NKAIN3: variants seen among roughly 807,000 people sequenced by gnomAD.
NKAIN3 encodes sodium/potassium-transporting ATPase subunit beta-1-interacting protein 3.
NKAIN3 carries 25 observed loss-of-function variants against 30.2 expected under a neutral mutation model. That is an observed-to-expected ratio of 0.83 (90% CI 0.60 to 1.16). The LOEUF (loss-of-function observed/expected upper bound fraction) is 1.16. Among genes scored for constraint, NKAIN3 ranks in the 50% most tolerant of loss-of-function variants. The probability of loss-of-function intolerance (pLI) is 0.00; values close to 1 mark genes in which losing one functional copy is unlikely to be tolerated. For missense variants in NKAIN3, 225 were observed against 254.1 expected (o/e 0.89, Z 0.78); for synonymous variants, 91 against 89.6 (o/e 1.02, Z -0.09).
intron 1 of NKAIN3, among the ~76,000 whole-genome samples, chr8:62,576,771 C>T (rs957784171): frequency 7.9e-5 from 12 of 152,074 alleles, no homozygotes; most frequent in African/African-American, 2.9e-4. Flanking sequence ...GCTAGCATCT[C>T]CCCAACACCA....
intron 4 of NKAIN3, among the ~76,000 whole-genome samples, chr8:62,897,672 T>A (rs559018746): frequency 6.6e-6 from 1 of 152,278 alleles, no homozygotes; most frequent in Non-Finnish European, 1.5e-5. Context: ...GGGAGGTGAC[T>A]CCCAGTGGAA....
chr8:62,986,434 A>G (rs1824200417), downstream of NKAIN3, among the ~76,000 whole-genome samples: 1 of 152,118 alleles, frequency 6.6e-6, no homozygotes, highest in South Asian at 2.1e-4. Flanking sequence ...ACTGCCCCAT[A>G]TGTAAGTTCC....
intron 1 of NKAIN3, among the ~76,000 whole-genome samples, chr8:62,294,559 A>AT (rs1813766150): frequency 6.6e-6 from 1 of 152,020 alleles, no homozygotes; most frequent in South Asian, 2.1e-4. Context: ...AAATACTCCT[A>AT]TTTTTTGAGA....
chr8:62,952,561 G>A (rs1236255292), intron 5 of NKAIN3, among the ~76,000 whole-genome samples: 1 of 152,092 alleles, frequency 6.6e-6, no homozygotes, highest in African/African-American at 2.4e-5. Flanking sequence ...GAACTGCTTT[G>A]TAAATCAACC....
intron 3 of NKAIN3, among the ~76,000 whole-genome samples, chr8:62,610,252 G>A (rs1257033923): frequency 6.6e-6 from 1 of 151,852 alleles, no homozygotes; most frequent in Non-Finnish European, 1.5e-5. Flanking sequence ...GGCTGAGGCA[G>A]GAGAATCATT....
rs1301171740 is a variant in NKAIN3 at position 62,870,873 on chromosome 8, A to G, written c.472-47580A>G. Among the ~76,000 whole-genome samples, 12 of 85,278 alleles carry G rather than the reference A, an allele frequency of 1.4e-4. 1 individual carries two copies. The highest frequency in any genetic ancestry group is 6.8e-4 in the African/African-American group (12 of 17,670). 55.9% of individuals were successfully genotyped at this position (85,278 alleles called of 152,430 possible). On this transcript the variant is annotated intron_variant, in intron 4 of 6. Coordinates refer to ENST00000623646, the MANE Select transcript of NKAIN3 (RefSeq NM_001304533.3). ...GCATTAGAGATGAGAAAGAATGGAA[A>G]TCACTAAATGAAGCCGTCTTACTGT...
intron 4 of NKAIN3, among the ~76,000 whole-genome samples, chr8:62,783,972 T>C (rs1817438498): frequency 6.6e-6 from 1 of 151,940 alleles, no homozygotes; most frequent in Non-Finnish European, 1.5e-5. Flanking sequence ...AAAGAGCACA[T>C]GCAGCATTTT....
chr8:62,494,537 T>A (rs1487888302), intron 1 of NKAIN3, among the ~76,000 whole-genome samples: 4 of 152,160 alleles, frequency 2.6e-5, no homozygotes, highest in Non-Finnish European at 5.9e-5. Flanking sequence ...CCTCACAGAA[T>A]GAGTTGAGGA....
At chr8:62,593,980 A>G (rs1174393015) in intron 3 of NKAIN3, among the ~76,000 whole-genome samples, 7 of 151,918 alleles carry the variant, frequency 4.6e-5, no homozygotes, top group African/African-American at 1.7e-4. Flanking sequence ...ACATCCCTGG[A>G]GCTTTAACTC....
intron 1 of NKAIN3, among the ~76,000 whole-genome samples, chr8:62,353,347 G>A (rs986808422): frequency 1.1e-4 from 16 of 152,314 alleles, no homozygotes; most frequent in African/African-American, 3.8e-4. Flanking sequence ...TTTCTGCAAA[G>A]AAATGAGTTT....
rs764382506 is a variant in NKAIN3, at chr8:62,967,396, C to T, written c.*1989C>T. Among the ~76,000 whole-genome samples, 2 of 152,102 alleles carry T rather than the reference C, an allele frequency of 1.3e-5. No individual in the cohort carries two copies. The highest frequency in any genetic ancestry group is 3.4e-3 in the Middle Eastern group (1 of 294). ...TCCCAAAGGTGAGGTGAGAATTTAA[C>T]GAAAAATGTAAAAAAATTCTCAGTA... On this transcript the variant is annotated 3_prime_UTR_variant, in exon 7 of 7. Transcript: ENST00000623646.
At chr8:62,473,959 A>C (rs1806434696) in intron 1 of NKAIN3, 1 of 152,132 alleles carries the variant, frequency 6.6e-6, no homozygotes, top group South Asian at 2.1e-4. Context: ...TTTATATCTG[A>C]AATTTTCCTA....
chr8:62,701,194 T>C (rs1814319611), intron 3 of NKAIN3, among the ~76,000 whole-genome samples: 1 of 152,210 alleles, frequency 6.6e-6, no homozygotes, highest in Admixed American at 6.5e-5. Flanking sequence ...AATGCCACTA[T>C]AATGCAATAG....
Position 62,711,446 on chromosome 8 carries a change from T to C in NKAIN3, c.274-35486T>C, listed in dbSNP as rs190760562. 3.3e-5 allele frequency among the ~76,000 whole-genome samples: 5 copies of C among 152,300 alleles called. No individual in the cohort carries two copies. In the East Asian group the frequency reaches 9.6e-4, roughly 29 times the overall value. ...TTGTTTGTATATTCTTATTTTTCTT[T>C]CTTTGTCTTTGTTGGATTGGGTTAA... On this transcript the variant is annotated intron_variant, in intron 3 of 6. Coordinates refer to ENST00000623646, the MANE Select transcript of NKAIN3 (RefSeq NM_001304533.3).
In NKAIN3 at chr8:62,975,963, G is replaced by A. The variant is rs933151716; in HGVS notation, c.*10556G>A. On this transcript the variant is annotated 3_prime_UTR_variant, in exon 7 of 7. Coordinates refer to ENST00000623646, the MANE Select transcript of NKAIN3 (RefSeq NM_001304533.3). Reference sequence around the variant, plus strand: ...TTTCCCAGGAGTCATTCAGAAGCAGGTTGTTCAGTTTCCATGTAGTTGTGT... The same window carrying A: ...TTTCCCAGGAGTCATTCAGAAGCAGATTGTTCAGTTTCCATGTAGTTGTGT... Among the ~76,000 whole-genome samples, 3 of 152,178 alleles carry A rather than the reference G, an allele frequency of 2.0e-5. No individual in the cohort carries two copies. Among genetic ancestry groups the A allele is most frequent in the African/African-American group, 7.2e-5 (3 of 41,428 alleles).
intron 4 of NKAIN3, among the ~76,000 whole-genome samples, chr8:62,775,555 C>G (rs1468685592): frequency 6.6e-6 from 1 of 151,806 alleles, no homozygotes; most frequent in African/African-American, 2.4e-5. Context: ...ATAAACTGTC[C>G]TCTTAGTACT....
At chr8:62,946,250 C>T (rs762317278) in intron 5 of NKAIN3, among the ~76,000 whole-genome samples, 17 of 152,162 alleles carry the variant, frequency 1.1e-4, no homozygotes, top group Non-Finnish European at 1.8e-4. Context: ...CCCCAACCAC[C>T]CCCGGGACAT....
At chr8:62,309,198 C>T (rs1332858578) in intron 1 of NKAIN3, among the ~76,000 whole-genome samples, 2 of 150,486 alleles carry the variant, frequency 1.3e-5, no homozygotes, top group African/African-American at 5.0e-5. Flanking sequence ...AATATTTGTA[C>T]ACCTGTTATA....
At position 62,521,664 on chromosome 8, in the gene NKAIN3, T is replaced by C. The variant is rs1808164505; in HGVS notation, c.55-57875T>C. 2.0e-5 allele frequency among the ~76,000 whole-genome samples: 3 copies of C among 152,138 alleles called. No individual in the cohort carries two copies. In the South Asian group the frequency reaches 6.2e-4, roughly 31 times the overall value. On this transcript the variant is annotated intron_variant, in intron 1 of 6. Coordinates refer to ENST00000623646, the MANE Select transcript of NKAIN3 (RefSeq NM_001304533.3). ...AGCTGAATCATGGACAAAAAGAGCA[T>C]CTTGGATCTGGACCTGGATTGCAGC... is the stretch of plus-strand genomic sequence containing the variant.
Sources: gnomAD v4.1 joint callset for allele counts (sites outside exome capture counted in the v4.1 genomes callset) on GRCh38, gnomAD v4.1.1 for gene constraint, MANE v1.5 for transcripts, NCBI Gene and HGNC (gene_info 2026-07-23, HGNC 2026-07-21) for gene names.